Variants in PPP2R3A observed in about 807,000 individuals in gnomAD.
PPP2R3A encodes the protein protein phosphatase 2 regulatory subunit B''alpha.
A neutral mutation model predicts 106.9 loss-of-function variants in PPP2R3A; 80 were observed. The ratio of observed to expected loss-of-function variants is 0.75; its 90% CI spans 0.62 to 0.90. The LOEUF (loss-of-function observed/expected upper bound fraction) is 0.90, where lower values mean the gene tolerates loss of function less well. Among genes scored for constraint, PPP2R3A ranks in the 40% least tolerant of loss-of-function variants. The probability of loss-of-function intolerance (pLI) is 0.00; values close to 1 mark genes in which losing one functional copy is unlikely to be tolerated. For synonymous variants in PPP2R3A, 483 were observed against 468.3 expected, an observed-to-expected ratio of 1.03 and a Z score of -0.41; for missense variants, 1,386 against 1,350.4, an observed-to-expected ratio of 1.03 and a Z score of -0.41.
chr3:136,040,105 A>G (rs1381873877), intron 3 of PPP2R3A, among the ~76,000 whole-genome samples: 5 of 152,238 alleles, frequency 3.3e-5, no homozygotes, highest in Non-Finnish European at 7.3e-5. Context: ...ACTTAATAAC[A>G]TAATAGGCAA....
chr3:135,974,374 C>A (rs1364496491), intron 1 of PPP2R3A, among the ~76,000 whole-genome samples: 1 of 152,176 alleles, frequency 6.6e-6, no homozygotes, highest in Non-Finnish European at 1.5e-5. Context: ...GCAGTAACGT[C>A]TTTTCCTTGC....
chr3:136,125,543 T>C (rs921289760), intron 13 of PPP2R3A, among the ~76,000 whole-genome samples: 3 of 151,794 alleles, frequency 2.0e-5, no homozygotes, highest in Non-Finnish European at 4.4e-5. Flanking sequence ...CACAAAGAAT[T>C]AAAACTACAA....
intron 9 of PPP2R3A, among the ~76,000 whole-genome samples, chr3:136,089,350 GTTGT>G (rs1308480718): frequency 1.3e-5 from 2 of 151,956 alleles, no homozygotes. Context: ...TCTTTTTCCC[GTTGT>G]TTGTTTTTAT....
At chr3:136,044,935 CAG>C (rs986214442) in intron 4 of PPP2R3A, among the ~76,000 whole-genome samples, 3 of 152,180 alleles carry the variant, frequency 2.0e-5, no homozygotes, top group Non-Finnish European at 2.9e-5. Flanking sequence ...CTGGCAGAGA[CAG>C]AGCTCGAGGC....
At chr3:136,004,288 C>G (rs529276510) in intron 2 of PPP2R3A, among the ~76,000 whole-genome samples, 1 of 152,288 alleles carries the variant, frequency 6.6e-6, no homozygotes, top group African/African-American at 2.4e-5. Context: ...ATTCCTTGTT[C>G]GTTTTATAAG....
chr3:136,142,542 A>C (rs965757985), intron 13 of PPP2R3A, among the ~76,000 whole-genome samples: 12 of 152,232 alleles, frequency 7.9e-5, no homozygotes, highest in Non-Finnish European at 1.6e-4. Flanking sequence ...GTCACTCACC[A>C]ACATGCCCAA....
At chr3:136,022,914 C>T (rs1576441139) in intron 2 of PPP2R3A, 1 of 1,440,670 alleles carries the variant, frequency 6.9e-7, no homozygotes, top group East Asian at 2.6e-5. Context: ...AGATTGTGGT[C>T]TGTGGAGGCT....
Position 135,977,554 on chromosome 3 carries a change from TGTTG to T in PPP2R3A, c.-441+11709_-441+11712del, listed in dbSNP as rs1274857361. Among the ~76,000 whole-genome samples the T allele has an allele frequency of 2.6e-5, 4 of 152,184 alleles. No individual in the cohort carries two copies. In the East Asian group the frequency reaches 7.7e-4, roughly 29 times the overall value. On this transcript the variant is annotated intron_variant, in intron 1 of 13. Coordinates refer to ENST00000264977, the MANE Select transcript of PPP2R3A (RefSeq NM_002718.5). Reference sequence around the variant, plus strand: ...GGTTTTATTTGTACTCATAATGGACTGTTGGTTAAAGATGGAGCATGTGTGCAAC... The same window carrying T: ...GGTTTTATTTGTACTCATAATGGACTGTTAAAGATGGAGCATGTGTGCAAC...
At chr3:136,079,405 A>ATT in intron 7 of PPP2R3A, 1 of 181,666 alleles carries the variant, frequency 5.5e-6, no homozygotes. Context: ...TATAATCCAT[A>ATT]ATTTTTTTTT....
At chr3:136,051,818 T>A (rs1935696479) in intron 5 of PPP2R3A, among the ~76,000 whole-genome samples, 1 of 152,188 alleles carries the variant, frequency 6.6e-6, no homozygotes. Flanking sequence ...CACCCAACAA[T>A]AACCACTACC....
chr3:136,086,893 A>G (rs1936949607), intron 8 of PPP2R3A, among the ~76,000 whole-genome samples: 1 of 152,074 alleles, frequency 6.6e-6, no homozygotes, highest in African/African-American at 2.4e-5. Context: ...TGTGCATGCC[A>G]TTGCCTGGGG....
chr3:136,068,752 T>C (rs1936338797), intron 5 of PPP2R3A, among the ~76,000 whole-genome samples: 1 of 150,622 alleles, frequency 6.6e-6, no homozygotes, highest in African/African-American at 2.5e-5. Context: ...TTATCTATTA[T>C]TAAGAGAAAA....
intron 13 of PPP2R3A, among the ~76,000 whole-genome samples, chr3:136,123,962 A>G (rs921295983): frequency 1.3e-5 from 2 of 152,240 alleles, no homozygotes; most frequent in Non-Finnish European, 2.9e-5. Context: ...CCAGGTGTAC[A>G]CAGAACTTTT....
chr3:136,002,612 A>C lies in PPP2R3A; in HGVS notation c.1114A>C (p.Asn372His). 1 of 1,614,032 alleles carries C rather than the reference A, an allele frequency of 6.2e-7. No homozygotes were observed. Among genetic ancestry groups the C allele is most frequent in the East Asian group, 2.2e-5 (1 of 44,880 alleles). Reference sequence around the variant, plus strand: ...GGACACTGTACAATCCATTCCAAACAACTCCACAAATTCCTTATATAACTT... The same window carrying C: ...GGACACTGTACAATCCATTCCAAACCACTCCACAAATTCCTTATATAACTT... Reference protein sequence around the residue: ...KMDTVQSIPNNSTNSLYNLEV... With the variant: ...KMDTVQSIPNHSTNSLYNLEV... The change falls in exon 2 of 14, where the codon AAC becomes CAC. Residue 372 changes from asparagine to histidine, a missense_variant. Asn to His is a moderately conservative substitution (Grantham distance 68). Transcript: ENST00000264977.
intron 13 of PPP2R3A, among the ~76,000 whole-genome samples, chr3:136,114,491 G>A (rs1281226130): frequency 6.6e-6 from 1 of 152,234 alleles, no homozygotes; most frequent in Non-Finnish European, 1.5e-5. Flanking sequence ...GTCTGGCTCA[G>A]TGGGTCCCAC....
At chr3:135,988,144 C>T (rs1483072438) in intron 1 of PPP2R3A, among the ~76,000 whole-genome samples, 3 of 152,018 alleles carry the variant, frequency 2.0e-5, no homozygotes, top group African/African-American at 7.2e-5. Context: ...ACCTGAACTA[C>T]CGATTCTCCT....
intron 13 of PPP2R3A, among the ~76,000 whole-genome samples, chr3:136,131,462 G>A (rs1938414905): frequency 6.6e-6 from 1 of 152,196 alleles, no homozygotes; most frequent in Non-Finnish European, 1.5e-5. Flanking sequence ...ACCACAATGA[G>A]ATATCATCTC....
intron 13 of PPP2R3A, among the ~76,000 whole-genome samples, chr3:136,119,540 C>T (rs979095766): frequency 3.9e-5 from 6 of 151,976 alleles, no homozygotes; most frequent in Admixed American, 6.6e-5. Context: ...CATCAAAAAG[C>T]GGGTGAAGGA....
chr3:136,025,020 A>T (rs1004357728), intron 2 of PPP2R3A, among the ~76,000 whole-genome samples: 2 of 152,176 alleles, frequency 1.3e-5, no homozygotes, highest in African/African-American at 2.4e-5. Context: ...TTACATATGC[A>T]AATGATTATT....
Sources: allele counts gnomAD v4.1 joint callset (sites outside exome capture counted in the v4.1 genomes callset), GRCh38; gene constraint gnomAD v4.1.1; transcripts MANE v1.5; gene names NCBI Gene and HGNC (gene_info 2026-07-23, HGNC 2026-07-21).